GRHL1: variants seen among roughly 807,000 people sequenced by gnomAD.
GRHL1 encodes the protein grainyhead like transcription factor 1.
A neutral mutation model predicts 75.7 loss-of-function variants in GRHL1; 38 were observed. That is an observed-to-expected ratio of 0.50 (90% CI 0.39 to 0.66). The LOEUF is 0.66. Ranked by LOEUF, GRHL1 falls within the 30% of genes least tolerant of loss-of-function variation. GRHL1 has a pLI of 0.00. For synonymous variants in GRHL1, 266 were observed against 279.4 expected, an observed-to-expected ratio of 0.95 and a Z score of 0.48; for missense variants, 589 against 767.5, an observed-to-expected ratio of 0.77 and a Z score of 2.75.
chr2:9,967,306 A>C (rs1667534086), intron 8 of GRHL1, among the ~76,000 whole-genome samples: 1 of 152,256 alleles, frequency 6.6e-6, no homozygotes. Context: ...AGCGCTTGTC[A>C]TAGGCTTGGA....
At chr2:9,989,724 T>C (rs1393804305) in intron 9 of GRHL1, among the ~76,000 whole-genome samples, 3 of 152,136 alleles carry the variant, frequency 2.0e-5, no homozygotes, top group Admixed American at 1.3e-4. Context: ...AAATTTTTTG[T>C]ATTTTTAATG....
At chr2:9,967,041 G>A (rs1182136449) in intron 8 of GRHL1, among the ~76,000 whole-genome samples, 1 of 152,136 alleles carries the variant, frequency 6.6e-6, no homozygotes, top group African/African-American at 2.4e-5. Context: ...GAAAAGTATT[G>A]GCCTTGTGCC....
At chr2:9,999,821 A>G (rs1459246515) in intron 15 of GRHL1, among the ~76,000 whole-genome samples, 1 of 152,208 alleles carries the variant, frequency 6.6e-6, no homozygotes, top group Non-Finnish European at 1.5e-5. Flanking sequence ...AAAGAGTTGG[A>G]CTTAATAGTA....
At position 9,990,914 on chromosome 2, in the gene GRHL1, C is replaced by G. The variant is rs940361156; in HGVS notation, c.1321+167C>G. The G allele has an allele frequency of 5.6e-6, 3 of 539,400 alleles. No individual in the cohort carries two copies. In the African/African-American group the frequency reaches 5.8e-5, roughly 10 times the overall value. 33.4% of individuals were successfully genotyped at this position (539,400 alleles called of 1,614,324 possible). A position where few individuals can be genotyped will look rare whatever the true frequency, so the allele number is the denominator to read the frequency against. ...CACTGCCTCTTCCTCAGATCAGCAGCAGATGCCAGCTCAGCGGGAGGGGTT... is the reference window on the plus strand; with the variant it reads ...CACTGCCTCTTCCTCAGATCAGCAGGAGATGCCAGCTCAGCGGGAGGGGTT... On this transcript the variant is annotated intron_variant, in intron 10 of 15. Coordinates refer to ENST00000324907, the MANE Select transcript of GRHL1 (RefSeq NM_198182.3). The surrounding 1 kb of genome is among the most constrained non-coding windows in gnomAD (Gnocchi z 4.2).
chr2:9,993,985 G>C (rs1239831465), intron 12 of GRHL1, among the ~76,000 whole-genome samples: 2 of 152,148 alleles, frequency 1.3e-5, no homozygotes, highest in Admixed American at 6.5e-5. Flanking sequence ...TTACTTTGAT[G>C]CTCAGGTTGT....
chr2:9,982,704 A>C (rs1668252643), intron 8 of GRHL1, among the ~76,000 whole-genome samples: 1 of 152,198 alleles, frequency 6.6e-6, no homozygotes, highest in South Asian at 2.1e-4. Context: ...CTGGCATCAC[A>C]CTTTGAGAGC....
At chr2:9,959,458 G>GT (rs1393715702) in intron 3 of GRHL1, 2 of 152,212 alleles carry the variant, frequency 1.3e-5, no homozygotes, top group Non-Finnish European at 2.9e-5. Flanking sequence ...TTTATTCATT[G>GT]TTTTGATGTG....
At chr2:9,964,105 T>C (rs1410087351) in intron 6 of GRHL1, 63 bp downstream of exon 6, 1 of 1,503,552 alleles carries the variant, frequency 6.7e-7, no homozygotes. Context: ...TTTCCAGGTC[T>C]GAAGCAGCTC....
At position 9,992,522 on chromosome 2, in the gene GRHL1, A is replaced by T. The variant is rs1668686744; in HGVS notation, c.1461+376A>T. Among the ~76,000 whole-genome samples the T allele has an allele frequency of 1.3e-5, 2 of 152,208 alleles. No individual in the cohort carries two copies. The highest frequency in any genetic ancestry group is 4.1e-4 in the South Asian group (2 of 4,832). ...TAGGTTAAGGAGCTCTTATAACATA[A>T]GAACATCCGAAGGCTTTTCTCACAG... On this transcript the variant is annotated intron_variant, in intron 11 of 15. Transcript: ENST00000324907. This position sits in a 1 kb window ranked among gnomAD's most constrained non-coding sequence, Gnocchi z 4.6.
At chr2:9,965,611 T>A in intron 8 of GRHL1, 1 of 500,866 alleles carries the variant, frequency 2.0e-6, no homozygotes. Flanking sequence ...AGTTGCACTC[T>A]GCCACTCCTG....
chr2:10,000,050 C>T (rs1669204775), intron 15 of GRHL1, among the ~76,000 whole-genome samples: 2 of 152,220 alleles, frequency 1.3e-5, no homozygotes, highest in Admixed American at 6.5e-5. Context: ...GTGGTGCAAT[C>T]AGAGCTCACT....
At chr2:9,986,621 T>C (rs1367983928) in intron 9 of GRHL1, among the ~76,000 whole-genome samples, 1 of 152,056 alleles carries the variant, frequency 6.6e-6, no homozygotes, top group Admixed American at 6.5e-5. Flanking sequence ...TTTCGCCATG[T>C]TCCCCAGGCT....
At position 10,000,673 on chromosome 2, in the gene GRHL1, G is replaced by A. The variant is rs1367983787; in HGVS notation, c.1823G>A (p.Gly608Glu). 6.2e-7 allele frequency: 1 copy of A among 1,611,152 alleles called. No individual in the cohort carries two copies. Among genetic ancestry groups the A allele is most frequent in the East Asian group, 2.2e-5 (1 of 44,882 alleles). ...DTFQLQIEEA[G>E]GSYKLTLTEI ...TTCCAGCTGCAGATTGAAGAAGCCG[G>A]GGGGTCTTACAAGCTCACCCTGACG... The change falls in exon 16 of 16, where the codon GGG (glycine) becomes GAG (glutamate). Residue 608 changes from glycine (G) to glutamate (E), a missense_variant. By Grantham distance (98) the Gly-to-Glu change is moderately conservative. Coordinates refer to ENST00000324907, the MANE Select transcript of GRHL1 (RefSeq NM_198182.3).
Position 9,990,779 on chromosome 2 carries a change from T to A in GRHL1, c.1321+32T>A. 6.4e-7 allele frequency: 1 copy of A among 1,570,718 alleles called. No individual in the cohort carries two copies. Among genetic ancestry groups the A allele is most frequent in the Non-Finnish European group, 8.7e-7 (1 of 1,147,846 alleles). On this transcript the variant is annotated intron_variant, in intron 10 of 15. Coordinates refer to ENST00000324907, the MANE Select transcript of GRHL1 (RefSeq NM_198182.3). This position sits in a 1 kb window ranked among gnomAD's most constrained non-coding sequence, Gnocchi z 4.2. ...GTCCTGACCCCAGCTCCCAGGTGAA[T>A]GCCTGTAAGTAGAAATGTTCCCGGC...
chr2:9,963,939 G>C lies in GRHL1; in HGVS notation c.800G>C (p.Gly267Ala). 1 of 1,613,754 alleles carries C rather than the reference G, an allele frequency of 6.2e-7. No homozygotes were observed. ...TCAAAATCACTTCGACAGAAGCCAG[G>C]AGACAGTACCATGACGTACCTGAAC... ...EASKSLRQKP[G>A]DSTMTYLNKG... The change falls in exon 6 of 16, where the codon GGA (glycine) becomes GCA (alanine). Residue 267 changes from glycine to alanine, a missense_variant. By Grantham distance (60) the Gly-to-Ala change is moderately conservative. Around this residue, in one of 5 missense-constraint regions of GRHL1, gnomAD observed 362 missense variants for 461.8 expected, o/e 0.78. Coordinates refer to ENST00000324907, the MANE Select transcript of GRHL1 (RefSeq NM_198182.3).
chr2:9,967,125 G>C (rs993017827), intron 8 of GRHL1, among the ~76,000 whole-genome samples: 1 of 152,230 alleles, frequency 6.6e-6, no homozygotes, highest in Admixed American at 6.5e-5. Context: ...CTGAGAAATT[G>C]TGGAGGAGGC....
chr2:9,967,826 A>G (rs1456513855), intron 8 of GRHL1, among the ~76,000 whole-genome samples: 3 of 151,858 alleles, frequency 2.0e-5, no homozygotes, highest in Non-Finnish European at 4.4e-5. Flanking sequence ...GAAAATATCT[A>G]CTTTCTTTGC....
chr2:9,995,761 G>A lies in GRHL1; in HGVS notation c.1500-118G>A, dbSNP rs1008012499. ...TTTTCATCCACAAATAAGGAAGCTGGACCAGATAAAGAATGAAAGTCATTT... is the reference window on the plus strand; with the variant it reads ...TTTTCATCCACAAATAAGGAAGCTGAACCAGATAAAGAATGAAAGTCATTT... On this transcript the variant is annotated intron_variant, in intron 12 of 15. Coordinates refer to ENST00000324907, the MANE Select transcript of GRHL1 (RefSeq NM_198182.3). The A allele has an allele frequency of 7.4e-6, 5 of 672,874 alleles. No individual in the cohort carries two copies. In the African/African-American group the frequency reaches 9.0e-5, roughly 12 times the overall value. 41.7% of individuals were successfully genotyped at this position (672,874 alleles called of 1,614,324 possible). A position where few individuals can be genotyped will look rare whatever the true frequency, so the allele number is the denominator to read the frequency against.
At chr2:9,995,558 C>A (rs1336093758) in intron 12 of GRHL1, among the ~76,000 whole-genome samples, 1 of 149,126 alleles carries the variant, frequency 6.7e-6, no homozygotes, top group Non-Finnish European at 1.5e-5. Flanking sequence ...GCACTCCAGC[C>A]TGAGCAACAG....
Sources: gnomAD v4.1 joint callset for allele counts (sites outside exome capture counted in the v4.1 genomes callset) on GRCh38, gnomAD v4.1.1 for gene constraint, gnomAD v4.1.1 regional missense constraint, Gnocchi (gnomAD v3.1) non-coding constraint, MANE v1.5 for transcripts, NCBI Gene and HGNC (gene_info 2026-07-23, HGNC 2026-07-21) for gene names.